Variants in PACRG observed in about 807,000 individuals in gnomAD.
PACRG encodes parkin coregulated gene protein.
Under a neutral mutation model 29.7 loss-of-function variants are expected in PACRG, and 29 were observed. The observed-to-expected ratio is 0.98, with a 90% CI of 0.73 to 1.33. PACRG has a LOEUF of 1.33. PACRG is among the 40% of genes most tolerant of loss of function. The pLI is 0.00. For synonymous variants in PACRG, 116 were observed against 118.7 expected (o/e 0.98, Z 0.15); for missense variants, 279 against 316.2 (o/e 0.88, Z 0.89).
At chr6:162,802,415 C>T (rs1785951326) in intron 1 of PACRG, among the ~76,000 whole-genome samples, 1 of 152,106 alleles carries the variant, frequency 6.6e-6, no homozygotes. Flanking sequence ...TTACATGTTT[C>T]TCTGGCCATT....
At chr6:162,989,845 G>A (rs1281400968) in intron 2 of PACRG, among the ~76,000 whole-genome samples, 2 of 150,842 alleles carry the variant, frequency 1.3e-5, no homozygotes, top group Non-Finnish European at 2.9e-5. Context: ...CCACTAACTC[G>A]TCATCTAGCC....
At chr6:163,208,755 G>A (rs9458753) in intron 4 of PACRG, among the ~76,000 whole-genome samples, 63,377 of 152,018 alleles carry the variant, frequency 0.42, 14,598 homozygotes, top group African/African-American at 0.63. Flanking sequence ...TTTCATTAAT[G>A]TAAATATCCA....
chr6:163,195,687 C>T (rs1358498703), intron 4 of PACRG, among the ~76,000 whole-genome samples: 1 of 152,202 alleles, frequency 6.6e-6, no homozygotes, highest in Non-Finnish European at 1.5e-5. Flanking sequence ...CGCCCGACCC[C>T]CCTCTCAGCC....
chr6:163,274,950 C>A (rs904675367), intron 4 of PACRG, among the ~76,000 whole-genome samples: 3 of 147,648 alleles, frequency 2.0e-5, no homozygotes, highest in Admixed American at 6.9e-5. Flanking sequence ...GCAACCTCTG[C>A]TTCCCAAGTT....
intron 4 of PACRG, among the ~76,000 whole-genome samples, chr6:163,158,917 A>G (rs1778435000): frequency 2.6e-5 from 4 of 152,088 alleles, no homozygotes; most frequent in Admixed American, 2.0e-4. Context: ...GTGCTGCCAT[A>G]TTATACTGTG....
rs1022901132 is a variant in PACRG at position 163,026,721 on chromosome 6, C to A, written c.292-35429C>A. ...GATTATGCCCATCCTGTGCCAAGAG[C>A]ATCTAGTTTGTGGCACGTGGGAGCA... On this transcript the variant is annotated intron_variant, in intron 2 of 4. Transcript: ENST00000366888. 1.2e-3 allele frequency among the ~76,000 whole-genome samples: 188 copies of A among 152,322 alleles called. 2 individuals carry two copies. Among genetic ancestry groups the A allele is most frequent in the Non-Finnish European group, 1.5e-4 (10 of 68,034 alleles).
chr6:162,938,600 A>G (rs1300190127), intron 2 of PACRG, among the ~76,000 whole-genome samples: 1 of 152,146 alleles, frequency 6.6e-6, no homozygotes, highest in Non-Finnish European at 1.5e-5. Flanking sequence ...TGGCTGTACT[A>G]GTTTACACTC....
intron 4 of PACRG, among the ~76,000 whole-genome samples, chr6:163,236,821 A>G (rs1243815577): frequency 1.3e-5 from 2 of 152,200 alleles, no homozygotes; most frequent in African/African-American, 4.8e-5. Flanking sequence ...TGCAGGCTGT[A>G]CAGGAGGCAT....
chr6:163,139,675 T>C (rs559732406), intron 4 of PACRG, among the ~76,000 whole-genome samples: 27 of 151,642 alleles, frequency 1.8e-4, no homozygotes, highest in African/African-American at 6.3e-4. Flanking sequence ...TCTTAATCCC[T>C]TAGTCTATTA....
At chr6:162,865,497 G>A (rs1792218572) in intron 2 of PACRG, among the ~76,000 whole-genome samples, 1 of 152,058 alleles carries the variant, frequency 6.6e-6, no homozygotes, top group African/African-American at 2.4e-5. Context: ...TCGACTACAT[G>A]GATGCCTTTT....
intron 4 of PACRG, chr6:163,170,571 G>T (rs1779034076): frequency 6.6e-6 from 1 of 152,166 alleles, no homozygotes; most frequent in Non-Finnish European, 1.5e-5. Flanking sequence ...CACACAAGCC[G>T]CTGCCACAGG....
intron 1 of PACRG, among the ~76,000 whole-genome samples, chr6:162,791,745 T>G (rs1392374929): frequency 6.6e-6 from 1 of 152,202 alleles, no homozygotes; most frequent in Non-Finnish European, 1.5e-5. Flanking sequence ...CAGTACTTAC[T>G]GCATTCTAGA....
Position 162,780,220 on chromosome 6 carries a change from T to C in PACRG, c.157-33927T>C, listed in dbSNP as rs371092062. 3.3e-5 allele frequency among the ~76,000 whole-genome samples: 5 copies of C among 152,210 alleles called. No homozygotes were observed. The South Asian group carries it at 1.0e-3, about 32-fold the overall frequency. On this transcript the variant is annotated intron_variant, in intron 1 of 4. Coordinates refer to ENST00000366888, the MANE Select transcript of PACRG (RefSeq NM_001080379.2). ...CCAATAGCCAGAGTGGAAAACTTAA[T>C]ATTTCAAGGGGCATTGAGTAGAGTT...
At chr6:162,985,686 G>T (rs950896043) in intron 2 of PACRG, among the ~76,000 whole-genome samples, 2 of 152,060 alleles carry the variant, frequency 1.3e-5, no homozygotes, top group East Asian at 3.9e-4. Flanking sequence ...ATTCAACATA[G>T]TGCTGGTATT....
intron 2 of PACRG, among the ~76,000 whole-genome samples, chr6:162,980,171 T>TACACACACAC (rs10559588): frequency 1.3e-5 from 2 of 150,114 alleles, no homozygotes; most frequent in African/African-American, 4.9e-5. Flanking sequence ...AACACACACA[T>TACACACACAC]ACACACACAC....
At chr6:162,787,235 A>G (rs1036585179) in intron 1 of PACRG, among the ~76,000 whole-genome samples, 1 of 152,002 alleles carries the variant, frequency 6.6e-6, no homozygotes, top group Non-Finnish European at 1.5e-5. Context: ...TTTATTACCT[A>G]TTGGAGAAGC....
At chr6:163,021,642 G>A (rs1294970815) in intron 2 of PACRG, among the ~76,000 whole-genome samples, 1 of 151,932 alleles carries the variant, frequency 6.6e-6, no homozygotes, top group African/African-American at 2.4e-5. Context: ...TGAACTCTAA[G>A]CTCCTGACAG....
At chr6:162,814,304 C>T (rs750486271) in intron 2 of PACRG, 23 bp downstream of exon 2, 156 of 1,609,816 alleles carry the variant, frequency 9.7e-5, no homozygotes, top group South Asian at 3.8e-4. Context: ...ACAGCTGTGC[C>T]GGCCAGCTGC....
chr6:162,961,466 T>G (rs1800612531), intron 2 of PACRG, among the ~76,000 whole-genome samples: 1 of 152,180 alleles, frequency 6.6e-6, no homozygotes, highest in Non-Finnish European at 1.5e-5. Context: ...CTATCAGAGC[T>G]GCAGATCCAT....
Sources: allele counts gnomAD v4.1 joint callset (sites outside exome capture counted in the v4.1 genomes callset), GRCh38; gene constraint gnomAD v4.1.1; transcripts MANE v1.5; gene names NCBI Gene and HGNC (gene_info 2026-07-23, HGNC 2026-07-21).